The following PTPRD variants were observed in gnomAD, a reference collection of about 807,000 sequenced individuals.
PTPRD encodes the protein receptor-type tyrosine-protein phosphatase delta.
In PTPRD, 34 loss-of-function variants were observed where a neutral mutation model predicts 214.5. The ratio of observed to expected loss-of-function variants is 0.16; its 90% confidence interval spans 0.12 to 0.21. The LOEUF is 0.21. Ranked by LOEUF, PTPRD falls within the 10% of genes least tolerant of loss-of-function variation. PTPRD has a pLI of 1.00. For synonymous variants in PTPRD, 1,128 were observed against 845.7 expected, an observed-to-expected ratio of 1.33 and a Z score of -5.79; for missense variants, 2,545 against 2,398.7, an observed-to-expected ratio of 1.06 and a Z score of -1.27.
Position 9,018,962 on chromosome 9 carries a change from G to A in PTPRD, c.-142-227C>T, listed in dbSNP as rs149538216. On this transcript the variant is annotated intron_variant, in intron 10 of 45. Coordinates refer to ENST00000381196, the MANE Select transcript of PTPRD (RefSeq NM_002839.4). ...ACAAGAAGCAAAACATGTTATGATT[G>A]TTCTGGAAAAAGAAATGATAGTTTT... is the stretch of plus-strand genomic sequence containing the variant. 1.2e-3 allele frequency among the ~76,000 whole-genome samples: 190 copies of A among 152,150 alleles called. 1 individual carries two copies. Among genetic ancestry groups the A allele is most frequent in the South Asian group, 3.5e-3 (17 of 4,826 alleles).
chr9:10,298,361 T>G (rs1380172885), intron 3 of PTPRD, among the ~76,000 whole-genome samples: 1 of 149,360 alleles, frequency 6.7e-6, no homozygotes, highest in East Asian at 2.0e-4. Flanking sequence ...TTTGCCAAAT[T>G]AGAGTTCCAT....
At chr9:9,372,484 C>A (rs2059788852) in intron 9 of PTPRD, among the ~76,000 whole-genome samples, 2 of 151,984 alleles carry the variant, frequency 1.3e-5, no homozygotes, top group Admixed American at 1.3e-4. Context: ...TCCTCCATCC[C>A]TTTATTTTGA....
intron 2 of PTPRD, among the ~76,000 whole-genome samples, chr9:10,434,176 C>T (rs1338180540): frequency 6.6e-6 from 1 of 151,748 alleles, no homozygotes; most frequent in Non-Finnish European, 1.5e-5. Context: ...AGTTGACTCT[C>T]TAGCCTTCAG....
intron 36 of PTPRD, among the ~76,000 whole-genome samples, chr9:8,403,632 T>C (rs887281117): frequency 6.6e-5 from 10 of 152,234 alleles, no homozygotes; most frequent in Non-Finnish European, 1.3e-4. Flanking sequence ...TTAATGAAGC[T>C]GGATAGAGTT....
chr9:10,175,245 C>G (rs1279395663), intron 3 of PTPRD, among the ~76,000 whole-genome samples: 1 of 151,898 alleles, frequency 6.6e-6, no homozygotes, highest in Non-Finnish European at 1.5e-5. Flanking sequence ...ATTTCAGTCT[C>G]TTCCCTTGAA....
chr9:9,776,979 A>G (rs1771315912), intron 5 of PTPRD, among the ~76,000 whole-genome samples: 2 of 152,198 alleles, frequency 1.3e-5, no homozygotes, highest in African/African-American at 4.8e-5. Flanking sequence ...GTCATTTACT[A>G]AAAATACCTT....
At chr9:8,570,842 T>C (rs2090919437) in intron 14 of PTPRD, among the ~76,000 whole-genome samples, 1 of 151,998 alleles carries the variant, frequency 6.6e-6, no homozygotes, top group Non-Finnish European at 1.5e-5. Context: ...ATATATTTTA[T>C]GCCCAAGGTC....
intron 5 of PTPRD, among the ~76,000 whole-genome samples, chr9:9,925,718 C>CA (rs1378054400): frequency 1.3e-5 from 2 of 151,966 alleles, no homozygotes; most frequent in African/African-American, 4.8e-5. Context: ...TGTCGTGTCT[C>CA]AAAAAATTTT....
intron 11 of PTPRD, among the ~76,000 whole-genome samples, chr9:8,836,143 A>G (rs1338887163): frequency 1.3e-5 from 2 of 152,218 alleles, no homozygotes; most frequent in Non-Finnish European, 2.9e-5. Flanking sequence ...ATGCTCTATT[A>G]TACAAATAAA....
intron 39 of PTPRD, among the ~76,000 whole-genome samples, chr9:8,367,907 T>A (rs926858814): frequency 6.6e-6 from 1 of 152,218 alleles, no homozygotes; most frequent in African/African-American, 2.4e-5. Flanking sequence ...GAAATACCAC[T>A]ATTATCCCCA....
intron 10 of PTPRD, among the ~76,000 whole-genome samples, chr9:9,173,353 G>C (rs775117915): frequency 8.5e-5 from 13 of 152,158 alleles, no homozygotes; most frequent in Non-Finnish European, 1.6e-4. Flanking sequence ...ATTCTGTGTA[G>C]CTGGGTGTCT....
chr9:10,118,642 G>A (rs2098750174), intron 3 of PTPRD, among the ~76,000 whole-genome samples: 1 of 151,426 alleles, frequency 6.6e-6, no homozygotes, highest in South Asian at 2.1e-4. Flanking sequence ...TTGGCTATGA[G>A]CTCAAAATAA....
At chr9:8,537,844 C>A (rs1300567601) in intron 14 of PTPRD, among the ~76,000 whole-genome samples, 1 of 152,010 alleles carries the variant, frequency 6.6e-6, no homozygotes, top group African/African-American at 2.4e-5. Context: ...CATAGCAGAA[C>A]ATAAACCCCA....
chr9:9,490,626 CTA>C (rs773637460), intron 8 of PTPRD, among the ~76,000 whole-genome samples: 3 of 151,560 alleles, frequency 2.0e-5, no homozygotes, highest in Non-Finnish European at 4.4e-5. Flanking sequence ...CAGAACTTTT[CTA>C]TGTCATGAAG....
At chr9:8,808,662 T>C (rs1221569428) in intron 11 of PTPRD, among the ~76,000 whole-genome samples, 1 of 151,992 alleles carries the variant, frequency 6.6e-6, no homozygotes, top group Non-Finnish European at 1.5e-5. Flanking sequence ...CAAAATAATA[T>C]CTTTTTGACC....
intron 7 of PTPRD, among the ~76,000 whole-genome samples, chr9:9,603,794 A>G (rs1254764178): frequency 1.3e-5 from 2 of 152,154 alleles, no homozygotes; most frequent in African/African-American, 4.8e-5. Context: ...GCTATAAAGT[A>G]TATAGAAATC....
At chr9:9,286,271 A>G (rs1595169074) in intron 9 of PTPRD, among the ~76,000 whole-genome samples, 1 of 151,960 alleles carries the variant, frequency 6.6e-6, no homozygotes, top group South Asian at 2.1e-4. Context: ...AGGCTCCAAA[A>G]GGGATTTTTA....
At chr9:9,996,962 G>A (rs1200695709) in intron 4 of PTPRD, among the ~76,000 whole-genome samples, 1 of 152,196 alleles carries the variant, frequency 6.6e-6, no homozygotes, top group Non-Finnish European at 1.5e-5. Flanking sequence ...AGGAAGTATG[G>A]CCTGTATACA....
At chr9:8,713,399 T>G (rs1406040183) in intron 12 of PTPRD, 1 of 1,088,182 alleles carries the variant, frequency 9.2e-7, no homozygotes, top group Non-Finnish European at 1.4e-6. Flanking sequence ...CTCTACCGCA[T>G]GCGAATCTTT....
Sources: allele counts gnomAD v4.1 joint callset (sites outside exome capture counted in the v4.1 genomes callset), GRCh38; gene constraint gnomAD v4.1.1; transcripts MANE v1.5; gene names NCBI Gene and HGNC (gene_info 2026-07-23, HGNC 2026-07-21).